Variants in NALF1 observed in about 807,000 individuals in gnomAD.
NALF1 encodes NALCN channel auxiliary factor 1, also known as family with sequence similarity 155 member A.
NALF1 carries 3 observed loss-of-function variants against 48.4 expected under a neutral mutation model. The ratio of observed to expected loss-of-function variants is 0.06; its 90% CI spans 0.03 to 0.16. NALF1 has a LOEUF of 0.16. Among genes scored for constraint, NALF1 ranks in the 10% least tolerant of loss-of-function variants. The pLI is 1.00. For synonymous variants in NALF1, 262 were observed against 245.7 expected (o/e 1.07, Z -0.62); for missense variants, 526 against 571.5 (o/e 0.92, Z 0.81).
chr13:107,220,811 T>G (rs1879976192), intron 1 of NALF1, among the ~76,000 whole-genome samples: 1 of 150,434 alleles, frequency 6.6e-6, no homozygotes, highest in African/African-American at 2.5e-5. Flanking sequence ...TGTGAGGGAG[T>G]GAGATGGGCA....
rs1011340077 is a variant in NALF1 at position 107,167,228 on chromosome 13, T to C, written c.*3269A>G. On this transcript the variant is annotated 3_prime_UTR_variant, in exon 3 of 3. Transcript: ENST00000375915. Reference sequence around the variant, plus strand: ...ATAATTATTTTAATATTGTAGTTCATTAGCCAGTATACGGTAGACATCCTC... The same window carrying C: ...ATAATTATTTTAATATTGTAGTTCACTAGCCAGTATACGGTAGACATCCTC... The C allele has an allele frequency of 6.6e-6, 1 of 152,210 alleles. No individual in the cohort carries two copies. The highest frequency in any genetic ancestry group is 6.5e-5 in the Admixed American group (1 of 15,284). The allele number at this position is 152,210 out of a possible 1,614,324, so 9.4% of individuals were successfully genotyped here. A position where few individuals can be genotyped will look rare whatever the true frequency, so the allele number is the denominator to read the frequency against.
intron 1 of NALF1, among the ~76,000 whole-genome samples, chr13:107,449,861 G>C (rs1218587829): frequency 6.6e-6 from 1 of 152,138 alleles, no homozygotes; most frequent in Non-Finnish European, 1.5e-5. Context: ...TAAGGAAACA[G>C]AGTCACACAG....
chr13:107,749,225 G>A (rs1876867313), intron 1 of NALF1, among the ~76,000 whole-genome samples: 1 of 151,744 alleles, frequency 6.6e-6, no homozygotes, highest in Non-Finnish European at 1.5e-5. Context: ...TTAACTTTGT[G>A]AAACACATAT....
intron 1 of NALF1, among the ~76,000 whole-genome samples, chr13:107,387,896 G>T (rs1390903723): frequency 6.6e-6 from 1 of 152,142 alleles, no homozygotes; most frequent in African/African-American, 2.4e-5. Context: ...GACTTTCTTA[G>T]CATAGCTGGT....
chr13:107,303,391 T>C (rs1235597140), intron 1 of NALF1, among the ~76,000 whole-genome samples: 2 of 152,236 alleles, frequency 1.3e-5, no homozygotes, highest in Admixed American at 1.3e-4. Context: ...TACTTCTCTA[T>C]AGATATATTA....
chr13:107,314,370 A>G (rs1371965569), intron 1 of NALF1, among the ~76,000 whole-genome samples: 1 of 152,034 alleles, frequency 6.6e-6, no homozygotes, highest in Admixed American at 6.6e-5. Flanking sequence ...TAATTTCTTA[A>G]TGAGACTCTG....
chr13:107,231,888 G>A (rs1353761741), intron 1 of NALF1, among the ~76,000 whole-genome samples: 4 of 152,282 alleles, frequency 2.6e-5, no homozygotes, highest in South Asian at 4.1e-4. Context: ...GAGCAGGAAA[G>A]TTTTGATGTT....
At chr13:107,459,611 C>T (rs975989726) in intron 1 of NALF1, among the ~76,000 whole-genome samples, 2 of 152,214 alleles carry the variant, frequency 1.3e-5, no homozygotes, top group East Asian at 1.9e-4. Flanking sequence ...TATTTGCATT[C>T]CAAGACTTCA....
At chr13:107,291,418 C>T (rs1881617565) in intron 1 of NALF1, among the ~76,000 whole-genome samples, 1 of 150,374 alleles carries the variant, frequency 6.7e-6, no homozygotes, top group Non-Finnish European at 1.5e-5. Flanking sequence ...TGATGGTGCA[C>T]AAGACACACA....
intron 1 of NALF1, among the ~76,000 whole-genome samples, chr13:107,800,880 C>T (rs1390955549): frequency 4.0e-5 from 6 of 151,586 alleles, no homozygotes; most frequent in African/African-American, 1.5e-4. Context: ...GTCTCTTGCT[C>T]AAATAATAAG....
chr13:107,234,016 AG>A (rs553016682), intron 1 of NALF1, among the ~76,000 whole-genome samples: 68 of 152,340 alleles, frequency 4.5e-4, no homozygotes, highest in African/African-American at 1.6e-3. Context: ...GAACTGCAGA[AG>A]TATCTTGCTG....
rs988581032 is a variant in NALF1, at chr13:107,439,785, C to G, written c.916-229030G>C. Among the ~76,000 whole-genome samples the G allele has an allele frequency of 3.3e-5, 5 of 152,116 alleles. 1 individual carries two copies. The South Asian group carries it at 6.2e-4, about 19-fold the overall frequency. ...TTCTTTGTCTTCTGACAATAAACCACCTTCACAGTGACACTAAGTTTTTGT... is the reference window on the plus strand; with the variant it reads ...TTCTTTGTCTTCTGACAATAAACCAGCTTCACAGTGACACTAAGTTTTTGT... On this transcript the variant is annotated intron_variant, in intron 1 of 2. Coordinates refer to ENST00000375915, the MANE Select transcript of NALF1 (RefSeq NM_001080396.3).
intron 1 of NALF1, among the ~76,000 whole-genome samples, chr13:107,806,812 CAATG>C (rs1338431240): frequency 1.3e-5 from 2 of 152,158 alleles, no homozygotes; most frequent in East Asian, 3.8e-4. Flanking sequence ...CCAAGAGTTT[CAATG>C]CAATAAATCA....
At chr13:107,188,433 A>C (rs1279524297) in intron 2 of NALF1, among the ~76,000 whole-genome samples, 4 of 151,358 alleles carry the variant, frequency 2.6e-5, no homozygotes, top group African/African-American at 7.3e-5. Flanking sequence ...CCTAGAAAAA[A>C]AAAGTTCAAA....
chr13:107,175,051 C>T (rs12708383), intron 2 of NALF1, among the ~76,000 whole-genome samples: 201 of 15,476 alleles, frequency 0.013, no homozygotes, highest in African/African-American at 0.028. Flanking sequence ...GCCCGGCTAA[C>T]TTTTTTTTTT....
At chr13:107,220,246 A>T (rs1276852775) in intron 1 of NALF1, among the ~76,000 whole-genome samples, 1 of 152,186 alleles carries the variant, frequency 6.6e-6, no homozygotes, top group Admixed American at 6.5e-5. Flanking sequence ...TGTTTTCTGC[A>T]TTATCTTAAT....
At chr13:107,822,900 TGTGA>T (rs1423842843) in intron 1 of NALF1, among the ~76,000 whole-genome samples, 5 of 152,202 alleles carry the variant, frequency 3.3e-5, no homozygotes, top group African/African-American at 1.2e-4. Context: ...ATTCATGGGG[TGTGA>T]GTATTAATTC....
chr13:107,231,158 A>G (rs1009166378), intron 1 of NALF1, among the ~76,000 whole-genome samples: 2 of 151,994 alleles, frequency 1.3e-5, no homozygotes, highest in African/African-American at 4.8e-5. Context: ...AAGGAAAGTA[A>G]GTAGAATTTG....
intron 1 of NALF1, among the ~76,000 whole-genome samples, chr13:107,394,593 T>G (rs542188103): frequency 6.6e-6 from 1 of 152,222 alleles, no homozygotes; most frequent in South Asian, 2.1e-4. Flanking sequence ...CACAGAAAGG[T>G]TTCTTTAAAA....
Sources: gnomAD v4.1 joint callset for allele counts (sites outside exome capture counted in the v4.1 genomes callset) on GRCh38, gnomAD v4.1.1 for gene constraint, MANE v1.5 for transcripts, NCBI Gene and HGNC (gene_info 2026-07-23, HGNC 2026-07-21) for gene names.